TEK: variants seen among roughly 807,000 people sequenced by gnomAD.
TEK encodes the protein TEK receptor tyrosine kinase.
Under a neutral mutation model 131.8 loss-of-function variants are expected in TEK, and 43 were observed. The ratio of observed to expected loss-of-function variants is 0.33; its 90% CI spans 0.26 to 0.42. The LOEUF (loss-of-function observed/expected upper bound fraction) is 0.42, where lower values mean the gene tolerates loss of function less well. TEK is among the 10% of genes least tolerant of loss of function. TEK has a pLI of 1.00. For synonymous variants in TEK, 580 were observed against 491.6 expected (o/e 1.18, Z -2.38); for missense variants, 1,162 against 1,384.4 (o/e 0.84, Z 2.55).
rs188169665 is a variant in TEK, at chr9:27,151,646, T to A, written c.53-6185T>A. On this transcript the variant is annotated intron_variant, in intron 1 of 22. Transcript: ENST00000380036. ...TCTTGTAATTCTCTCTCTTAGTACC[T>A]GTCTGTATTTATGTGTTTATGTGAT... Among the ~76,000 whole-genome samples the A allele has an allele frequency of 1.3e-3, 205 of 152,328 alleles. 1 individual carries two copies. Among genetic ancestry groups the A allele is most frequent in the African/African-American group, 4.7e-3 (195 of 41,584 alleles).
At chr9:27,215,837 CA>C (rs1257427782) in intron 18 of TEK, among the ~76,000 whole-genome samples, 2 of 152,002 alleles carry the variant, frequency 1.3e-5, no homozygotes, top group Non-Finnish European at 2.9e-5. Context: ...GCTACGGGAA[CA>C]CAAAGAAGGT....
At chr9:27,148,186 T>C (rs9886904) in intron 1 of TEK, among the ~76,000 whole-genome samples, 330 of 152,346 alleles carry the variant, frequency 2.2e-3, no homozygotes, top group African/African-American at 7.8e-3. Flanking sequence ...CTAATTACAC[T>C]GCCCATCAAC....
At position 27,229,141 on chromosome 9, in the gene TEK, C is replaced by T. The variant is rs772599096; in HGVS notation, c.3301-17C>T. 1.2e-6 allele frequency: 2 copies of T among 1,612,926 alleles called. No individual in the cohort carries two copies. The highest frequency in any genetic ancestry group is 1.7e-6 in the Non-Finnish European group (2 of 1,178,956). On this transcript the variant is annotated splice_polypyrimidine_tract_variant and intron_variant, in intron 22 of 22. Transcript: ENST00000380036. ...ATCAAAGCAGCCTATGTCTCTGAACCATTTTCATTCTTCCAGACCTACGTG... is the reference window on the plus strand; with the variant it reads ...ATCAAAGCAGCCTATGTCTCTGAACTATTTTCATTCTTCCAGACCTACGTG...
intron 1 of TEK, among the ~76,000 whole-genome samples, chr9:27,124,951 G>A (rs1022304325): frequency 4.6e-5 from 7 of 152,182 alleles, no homozygotes; most frequent in Non-Finnish European, 8.8e-5. Flanking sequence ...TCCAGCAGAA[G>A]GGCTTGAAGG....
intron 2 of TEK, among the ~76,000 whole-genome samples, chr9:27,160,594 G>C (rs1340444654): frequency 6.6e-6 from 1 of 152,150 alleles, no homozygotes; most frequent in African/African-American, 2.4e-5. Context: ...TAGCAGTTTA[G>C]AGTTAGCCTC....
intron 1 of TEK, among the ~76,000 whole-genome samples, chr9:27,146,720 ATTTTTTTT>A (rs34727945): frequency 7.0e-5 from 8 of 113,692 alleles, no homozygotes; most frequent in African/African-American, 1.0e-4. Flanking sequence ...TAAACATTCT[ATTTTTTTT>A]TTTTTTTTTT....
At chr9:27,206,870 A>G (rs373829298) in intron 15 of TEK, 78 bp downstream of exon 15, 27 of 1,507,904 alleles carry the variant, frequency 1.8e-5, no homozygotes, top group African/African-American at 1.5e-4. Context: ...TCTTTCCTCT[A>G]TGGTCTTACA....
chr9:27,158,420 A>T (rs908727169), intron 2 of TEK, among the ~76,000 whole-genome samples: 1 of 152,266 alleles, frequency 6.6e-6, no homozygotes, highest in South Asian at 2.1e-4. Flanking sequence ...TGGATAGTTG[A>T]CTGTTACATG....
chr9:27,156,651 A>G (rs1823342636), intron 1 of TEK, among the ~76,000 whole-genome samples: 1 of 152,206 alleles, frequency 6.6e-6, no homozygotes, highest in African/African-American at 2.4e-5. Flanking sequence ...GGAAAATGAA[A>G]CTAGCTGCTC....
intron 12 of TEK, among the ~76,000 whole-genome samples, chr9:27,200,856 A>G (rs1292329691): frequency 2.6e-5 from 4 of 152,176 alleles, no homozygotes; most frequent in Non-Finnish European, 5.9e-5. Context: ...TGATTATCAC[A>G]GTTAACAGAT....
rs750221129 is a variant in TEK at position 27,229,271 on chromosome 9, G to A, written c.*39G>A. 12 of 1,596,462 alleles carry A rather than the reference G, an allele frequency of 7.5e-6. No individual in the cohort carries two copies. Among genetic ancestry groups the A allele is most frequent in the Non-Finnish European group, 1.0e-5 (12 of 1,164,326 alleles). ...TATACCCTCTGTTTCCCTTTCACTGGCATGGGAGACCCTTGACACCTGCTG... is the reference window on the plus strand; with the variant it reads ...TATACCCTCTGTTTCCCTTTCACTGACATGGGAGACCCTTGACACCTGCTG... On this transcript the variant is annotated 3_prime_UTR_variant, in exon 23 of 23. Transcript: ENST00000380036.
At chr9:27,192,702 A>T in intron 11 of TEK, 79 bp downstream of exon 11, 6 of 247,506 alleles carry the variant, frequency 2.4e-5, no homozygotes, top group Admixed American at 9.0e-5. Context: ...AAGACCAGGA[A>T]GGGTGGTGGT....
chr9:27,134,280 T>C (rs1275702659), intron 1 of TEK, among the ~76,000 whole-genome samples: 4 of 152,214 alleles, frequency 2.6e-5, no homozygotes, highest in Non-Finnish European at 5.9e-5. Flanking sequence ...AGAGTTAACA[T>C]CAGCTCATTT....
At chr9:27,202,422 A>T (rs1464639367) in intron 12 of TEK, among the ~76,000 whole-genome samples, 1 of 152,216 alleles carries the variant, frequency 6.6e-6, no homozygotes, top group Admixed American at 6.5e-5. Flanking sequence ...CTCAGCACTT[A>T]CAGAAAGATT....
chr9:27,212,866 C>G lies in TEK; in HGVS notation c.2846C>G (p.Ala949Gly). Residue 949 changes from alanine to glycine, a missense_variant, in exon 17 of 23, where the codon GCC (alanine) becomes GGC (glycine). Around this residue, in one of 6 missense-constraint regions of TEK, gnomAD observed 107 missense variants for 173.9 expected, o/e 0.62. Transcript: ENST00000380036. Reference protein sequence around the residue: ...QQLLHFAADVARGMDYLSQKQ... With the variant: ...QQLLHFAADVGRGMDYLSQKQ... The stretch of plus-strand genomic sequence containing the variant: ...CTCCTTCACTTCGCTGCCGACGTGG[C>G]CCGGGGCATGGACTACTTGAGCCAA... 6.2e-7 allele frequency: 1 copy of G among 1,614,046 alleles called. No individual in the cohort carries two copies. The highest frequency in any genetic ancestry group is 8.5e-7 in the Non-Finnish European group (1 of 1,179,968).
chr9:27,228,219 A>G lies in TEK; in HGVS notation c.3214A>G (p.Arg1072Gly). 1 of 1,612,854 alleles carries G rather than the reference A, an allele frequency of 6.2e-7. No homozygotes were observed. The highest frequency in any genetic ancestry group is 8.5e-7 in the Non-Finnish European group (1 of 1,179,066). Residue 1072 changes from arginine (R) to glycine (G), a missense_variant, in exon 22 of 23, where the codon AGA becomes GGA. By Grantham distance (125) the Arg-to-Gly change is moderately radical (BLOSUM62 -2). This residue lies in a region of TEK where 84 missense variants were observed against 80.3 expected (regional missense o/e 1.05). Coordinates refer to ENST00000380036, the MANE Select transcript of TEK (RefSeq NM_000459.5). Reference protein sequence around the residue: ...NCDDEVYDLMRQCWREKPYER... With the variant: ...NCDDEVYDLMGQCWREKPYER... The stretch of plus-strand genomic sequence containing the variant: ...TTGCTTTCGAAGGTATGATCTAATG[A>G]GACAATGCTGGCGGGAGAAGCCTTA...
At chr9:27,138,841 G>C (rs978886111) in intron 1 of TEK, among the ~76,000 whole-genome samples, 1 of 152,112 alleles carries the variant, frequency 6.6e-6, no homozygotes, top group Non-Finnish European at 1.5e-5. Context: ...GTACACAAGT[G>C]GTCCTGGAAC....
intron 1 of TEK, among the ~76,000 whole-genome samples, chr9:27,138,644 A>G (rs140585951): frequency 6.6e-6 from 1 of 152,228 alleles, no homozygotes. Flanking sequence ...ATTTGAAACT[A>G]TACCTGACAC....
At chr9:27,115,933 A>T (rs1252960298) in intron 1 of TEK, among the ~76,000 whole-genome samples, 1 of 152,190 alleles carries the variant, frequency 6.6e-6, no homozygotes, top group East Asian at 1.9e-4. Flanking sequence ...AATTTAGCAG[A>T]GTGTTTGTTC....
Sources: allele counts gnomAD v4.1 joint callset (sites outside exome capture counted in the v4.1 genomes callset), GRCh38; gene constraint gnomAD v4.1.1; regional missense constraint gnomAD v4.1.1; transcripts MANE v1.5; gene names NCBI Gene and HGNC (gene_info 2026-07-23, HGNC 2026-07-21).